The following PARP8 variants were observed in gnomAD, a reference collection of about 807,000 sequenced individuals.
PARP8 encodes protein mono-ADP-ribosyltransferase PARP8.
Under a neutral mutation model 124.1 loss-of-function variants are expected in PARP8, and 51 were observed. That is an observed-to-expected ratio of 0.41 (90% CI 0.33 to 0.52). The LOEUF (loss-of-function observed/expected upper bound fraction) is 0.52. Among genes scored for constraint, PARP8 ranks in the 20% least tolerant of loss-of-function variants. The pLI is 0.21. For missense variants in PARP8, 860 were observed against 1,018.9 expected, an observed-to-expected ratio of 0.84 and a Z score of 2.12; for synonymous variants, 391 against 361.5, an observed-to-expected ratio of 1.08 and a Z score of -0.93.
At chr5:50,792,654 A>G (rs1321674778) in intron 10 of PARP8, among the ~76,000 whole-genome samples, 1 of 152,130 alleles carries the variant, frequency 6.6e-6, no homozygotes, top group Non-Finnish European at 1.5e-5. Flanking sequence ...TCTTATTATT[A>G]CATTTAAATC....
intron 2 of PARP8, among the ~76,000 whole-genome samples, chr5:50,678,954 G>T (rs1300577936): frequency 6.6e-6 from 1 of 152,132 alleles, no homozygotes; most frequent in African/African-American, 2.4e-5. Context: ...CTTTTGTAGG[G>T]TGACCATCCT....
chr5:50,766,818 C>T (rs1483061287), intron 7 of PARP8, among the ~76,000 whole-genome samples: 2 of 152,072 alleles, frequency 1.3e-5, no homozygotes, highest in African/African-American at 4.8e-5. Context: ...GAACGTATAT[C>T]ACGTTACTCA....
chr5:50,762,443 G>A (rs1760642924), intron 6 of PARP8, among the ~76,000 whole-genome samples: 1 of 152,074 alleles, frequency 6.6e-6, no homozygotes, highest in African/African-American at 2.4e-5. Flanking sequence ...GAATTTTTCA[G>A]GATAATGTTA....
At chr5:50,791,200 T>G (rs1741914688) in intron 10 of PARP8, among the ~76,000 whole-genome samples, 1 of 152,192 alleles carries the variant, frequency 6.6e-6, no homozygotes, top group Non-Finnish European at 1.5e-5. Flanking sequence ...CAGAATAATT[T>G]TATCAACAAT....
intron 7 of PARP8, among the ~76,000 whole-genome samples, chr5:50,767,028 T>C (rs74490369): frequency 4.1e-4 from 63 of 152,306 alleles, no homozygotes; most frequent in African/African-American, 1.3e-3. Context: ...TTTCACTCTT[T>C]AGTGTTAGGC....
chr5:50,689,018 ATTTTTTTTTTTTGATTTTT>A (rs1238817783), intron 2 of PARP8, among the ~76,000 whole-genome samples: 5 of 131,490 alleles, frequency 3.8e-5, no homozygotes, highest in Admixed American at 8.6e-5. Flanking sequence ...ATATGAATGA[ATTTTTTTTTTTTGATTTTT>A]TTTTTTTTTT....
chr5:50,681,188 C>A (rs1176099603), intron 2 of PARP8, among the ~76,000 whole-genome samples: 1 of 152,006 alleles, frequency 6.6e-6, no homozygotes, highest in African/African-American at 2.4e-5. Flanking sequence ...TTTTAAATGA[C>A]AAGAACTTAA....
chr5:50,828,098 C>A, intron 20 of PARP8, 42 bp downstream of exon 20: 2 of 1,414,860 alleles, frequency 1.4e-6, no homozygotes, highest in Middle Eastern at 1.8e-4. Context: ...CTCCCATTAA[C>A]ATTTTCCAGA....
At chr5:50,757,894 C>G (rs530528538) in intron 3 of PARP8, among the ~76,000 whole-genome samples, 30 of 152,222 alleles carry the variant, frequency 2.0e-4, no homozygotes, top group Non-Finnish European at 4.0e-4. Flanking sequence ...ATCTTCCCTT[C>G]TACTTGGTGG....
chr5:50,807,300 A>G (rs1743961482), intron 14 of PARP8, among the ~76,000 whole-genome samples: 1 of 152,078 alleles, frequency 6.6e-6, no homozygotes, highest in African/African-American at 2.4e-5. Flanking sequence ...GTTTACAAAA[A>G]TTATAAATGT....
chr5:50,842,017 C>T lies in PARP8; in HGVS notation c.2514C>T (p.Gly838=), dbSNP rs1260747683. 1.2e-6 allele frequency: 2 copies of T among 1,605,934 alleles called. No individual in the cohort carries two copies. The highest frequency in any genetic ancestry group is 1.7e-6 in the Non-Finnish European group (2 of 1,175,606). ...CAAATATTAATACACAAGAAGGAGGCATTCACAAAGAGATCCTCCGAGTAA... is the reference window on the plus strand; with the variant it reads ...CAAATATTAATACACAAGAAGGAGGTATTCACAAAGAGATCCTCCGAGTAA... ...GDANINTQEG[G]IHKEILRVIG... The change falls in exon 26 of 26, where the codon GGC becomes GGT. Residue 838 remains glycine (G), a synonymous_variant. Coordinates refer to ENST00000281631, the MANE Select transcript of PARP8 (RefSeq NM_024615.4).
chr5:50,813,726 G>A (rs1744756678), intron 14 of PARP8, among the ~76,000 whole-genome samples: 1 of 152,088 alleles, frequency 6.6e-6, no homozygotes, highest in Non-Finnish European at 1.5e-5. Context: ...CTTGCTGTGG[G>A]TTTGTCATAA....
intron 6 of PARP8, among the ~76,000 whole-genome samples, chr5:50,762,413 A>G (rs948006148): frequency 4.6e-5 from 7 of 152,158 alleles, no homozygotes; most frequent in African/African-American, 1.7e-4. Flanking sequence ...GCCTAGCCAC[A>G]TATATAAAAG....
intron 2 of PARP8, among the ~76,000 whole-genome samples, chr5:50,746,474 T>C (rs1470033513): frequency 6.6e-6 from 1 of 152,166 alleles, no homozygotes; most frequent in Non-Finnish European, 1.5e-5. Flanking sequence ...ATGTAAGCAA[T>C]GGAGGAAACT....
At chr5:50,692,650 TC>T (rs1018581704) in intron 2 of PARP8, among the ~76,000 whole-genome samples, 2 of 152,142 alleles carry the variant, frequency 1.3e-5, no homozygotes, top group Non-Finnish European at 2.9e-5. Context: ...ATTCTCTTTG[TC>T]CCTATGGTTT....
chr5:50,806,487 T>G (rs1306788390), intron 14 of PARP8, among the ~76,000 whole-genome samples: 1 of 152,040 alleles, frequency 6.6e-6, no homozygotes, highest in Admixed American at 6.6e-5. Flanking sequence ...CAATAAATAT[T>G]GCTATATTTT....
intron 17 of PARP8, among the ~76,000 whole-genome samples, chr5:50,823,517 T>C (rs1475967510): frequency 6.6e-6 from 1 of 152,236 alleles, no homozygotes; most frequent in Non-Finnish European, 1.5e-5. Context: ...ATCTGAATTC[T>C]TTCTCAGACA....
At chr5:50,790,495 A>T (rs1409125966) in intron 10 of PARP8, among the ~76,000 whole-genome samples, 1 of 151,924 alleles carries the variant, frequency 6.6e-6, no homozygotes, top group African/African-American at 2.4e-5. Context: ...TTCCTCACTC[A>T]ATTTCCTCCC....
At chr5:50,672,600 T>G (rs779220945) in intron 2 of PARP8, among the ~76,000 whole-genome samples, 5 of 152,174 alleles carry the variant, frequency 3.3e-5, no homozygotes, top group Non-Finnish European at 7.4e-5. Context: ...TAATGCAATA[T>G]TTAAGATACT....
Sources: allele counts gnomAD v4.1 joint callset (sites outside exome capture counted in the v4.1 genomes callset), GRCh38; gene constraint gnomAD v4.1.1; transcripts MANE v1.5; gene names NCBI Gene and HGNC (gene_info 2026-07-23, HGNC 2026-07-21).